Variants in ACTRT3 observed in about 807,000 individuals in gnomAD.
The protein encoded by ACTRT3 is actin related protein T3, also known as actin-related protein T3.
A neutral mutation model predicts 17.6 loss-of-function variants in ACTRT3; 15 were observed. That is an observed-to-expected ratio of 0.85 (90% CI 0.57 to 1.31). ACTRT3 has a LOEUF of 1.31. ACTRT3 is among the 50% of genes most tolerant of loss of function. The probability of loss-of-function intolerance (pLI) is 0.00; values close to 1 mark genes in which losing one functional copy is unlikely to be tolerated. For missense variants in ACTRT3, 457 were observed against 466.7 expected (o/e 0.98, Z 0.19); for synonymous variants, 169 against 176.4 (o/e 0.96, Z 0.33).
chr3:169,768,142 C>A lies in ACTRT3; in HGVS notation c.409G>T (p.Ala137Ser). 6.2e-7 allele frequency: 1 copy of A among 1,614,046 alleles called. No homozygotes were observed. The highest frequency in any genetic ancestry group is 1.1e-5 in the South Asian group (1 of 91,070). ...GVPAFYMSIQ[A>S]VLALFAAGFT... The stretch of plus-strand genomic sequence containing the variant: ...CCAGCAGCAAAGAGAGCCAGCACAG[C>A]CTGGATGGACATATAGAAGGCAGGA... Residue 137 changes from alanine to serine, a missense_variant, in exon 2 of 2, where the codon GCT becomes TCT. Ala to Ser is a moderately conservative substitution (Grantham distance 99, BLOSUM62 1). Transcript: ENST00000330368.
At chr3:169,768,487 T>A in intron 1 of ACTRT3, 137 bp from the exon 2 acceptor site, 1 of 821,044 alleles carries the variant, frequency 1.2e-6, no homozygotes, top group Non-Finnish European at 1.8e-6. Flanking sequence ...TCACAGCAGG[T>A]AAGTGTCAGC....
rs564741433 is a variant in ACTRT3 at position 169,768,501 on chromosome 3, A to C, written c.201-151T>G. The C allele has an allele frequency of 8.3e-6, 6 of 725,416 alleles. No individual in the cohort carries two copies. In the African/African-American group the frequency reaches 1.1e-4, roughly 13 times the overall value. The allele number at this position is 725,416 out of a possible 1,614,324, so 44.9% of individuals were successfully genotyped here. A position where few individuals can be genotyped will look rare whatever the true frequency, so the allele number is the denominator to read the frequency against. ...CTCACAGCAGGTAAGTGTCAGCCAA[A>C]AATAGCACAGCTACTTACCTCTGCA... On this transcript the variant is annotated intron_variant, in intron 1 of 1. Transcript: ENST00000330368.
rs1298010017 is a variant in ACTRT3, at chr3:169,768,198, A to G, written c.353T>C (p.Ile118Thr). The change falls in exon 2 of 2, where the codon ATC becomes ACC. Residue 118 changes from isoleucine to threonine, a missense_variant. Ile to Thr is a moderately conservative substitution (Grantham distance 89). Transcript: ENST00000330368. ...ALNPLANRQQITEMFFEHLGV... is the reference protein window; with the variant it reads ...ALNPLANRQQTTEMFFEHLGV... ...CAGATGCTCAAAAAACATTTCCGTG[A>G]TCTGTTGCCGGTTGGCCAGTGGGTT... 1.2e-6 allele frequency: 2 copies of G among 1,613,996 alleles called. No homozygotes were observed. Among genetic ancestry groups the G allele is most frequent in the Non-Finnish European group, 8.5e-7 (1 of 1,180,028 alleles).
Position 169,767,239 on chromosome 3 carries a change from A to G in ACTRT3, c.*193T>C. ...AAACACTATGGGAAACATTATTTTAACTTGGTTCTACTCAATAGACATCTG... is the reference window on the plus strand; with the variant it reads ...AAACACTATGGGAAACATTATTTTAGCTTGGTTCTACTCAATAGACATCTG... On this transcript the variant is annotated 3_prime_UTR_variant, in exon 2 of 2. Transcript: ENST00000330368. 2 of 457,406 alleles carry G rather than the reference A, an allele frequency of 4.4e-6. No homozygotes were observed. The highest frequency in any genetic ancestry group is 6.5e-5 in the East Asian group (2 of 30,756). The allele number at this position is 457,406 out of a possible 1,614,324, so 28.3% of individuals were successfully genotyped here.
chr3:169,769,080 G>C (rs1208043741), intron 1 of ACTRT3, among the ~76,000 whole-genome samples: 1 of 151,610 alleles, frequency 6.6e-6, no homozygotes, highest in Non-Finnish European at 1.5e-5. Flanking sequence ...TTGGAGATTT[G>C]TGGCCCGTGC....
Position 169,767,639 on chromosome 3 carries a change from A to G in ACTRT3, c.912T>C (p.Pro304=). The G allele has an allele frequency of 6.2e-7, 1 of 1,613,682 alleles. No homozygotes were observed. The highest frequency in any genetic ancestry group is 1.1e-5 in the South Asian group (1 of 91,052). Residue 304 remains proline, a synonymous_variant, in exon 2 of 2, where the codon CCT becomes CCC. Transcript: ENST00000330368. The part of the protein sequence containing the change: ...IILAGGSTSF[P]GLDKRLVKDI... ...CCTTAACTAACCGCTTGTCTAAACC[A>G]GGGAAAGAGGTTGATCCCCCGGCAA...
chr3:169,769,414 C>A lies in ACTRT3; in HGVS notation c.107G>T (p.Gly36Val). ...EPQFIYPNII[G>V]RAKGQSRAAQ... The stretch of plus-strand genomic sequence containing the variant: ...CGCGCGGCTCTGGCCCTTGGCGCGG[C>A]CGATAATGTTCGGGTAGATAAACTG... The change falls in exon 1 of 2, where the codon GGC becomes GTC. Residue 36 changes from glycine (G) to valine (V), a missense_variant. Physicochemically the swap from Gly to Val is moderately radical, Grantham distance 109 (BLOSUM62 -3). Coordinates refer to ENST00000330368, the MANE Select transcript of ACTRT3 (RefSeq NM_032487.5). 2 of 1,608,416 alleles carry A rather than the reference C, an allele frequency of 1.2e-6. No homozygotes were observed. Among genetic ancestry groups the A allele is most frequent in the Non-Finnish European group, 1.7e-6 (2 of 1,178,816 alleles).
chr3:169,767,497 T>C lies in ACTRT3; in HGVS notation c.1054A>G (p.Met352Val). Residue 352 changes from methionine to valine, a missense_variant, in exon 2 of 2, where the codon ATG becomes GTG. Physicochemically the swap from Met to Val is conservative, Grantham distance 21 (BLOSUM62 1). Coordinates refer to ENST00000330368, the MANE Select transcript of ACTRT3 (RefSeq NM_032487.5). ...ILASLSAFQDMWITAAEFKEV... is the reference protein window; with the variant it reads ...ILASLSAFQDVWITAAEFKEV... ...TTAAATTCTGCAGCAGTGATCCACA[T>C]GTCCTGGAAGGCAGACAAGGATGCA... 1 of 1,613,652 alleles carries C rather than the reference T, an allele frequency of 6.2e-7. No homozygotes were observed. Among genetic ancestry groups the C allele is most frequent in the Admixed American group, 1.7e-5 (1 of 59,952 alleles).
Position 169,768,356 on chromosome 3 carries a change from A to G in ACTRT3, c.201-6T>C, listed in dbSNP as rs9822885. ...GACCACGCTCCACTGGGTAACTGTA[A>G]GGAAAGCAATAAGATCAATGACAGC... On this transcript the variant is annotated splice_region_variant and splice_polypyrimidine_tract_variant and intron_variant, in intron 1 of 1. Coordinates refer to ENST00000330368, the MANE Select transcript of ACTRT3 (RefSeq NM_032487.5). 480,817 of 1,597,302 alleles carry G rather than the reference A, an allele frequency of 0.3. 79,735 individuals carry two copies. The highest frequency in any genetic ancestry group is 0.71 in the East Asian group (31,540 of 44,466).
In ACTRT3 at chr3:169,768,075, G is replaced by A; in HGVS notation, c.476C>T (p.Thr159Ile). Residue 159 changes from threonine to isoleucine, a missense_variant, in exon 2 of 2, where the codon ACC becomes ATC. Transcript: ENST00000330368. ...ACCCTCAAAGATGGGCACACTCTGG[G>A]TAACCCCAGCACCTGAATTCAGCAC... ...GLVLNSGAGV[T>I]QSVPIFEGYC... 1.2e-6 allele frequency: 2 copies of A among 1,614,034 alleles called. No individual in the cohort carries two copies. Among genetic ancestry groups the A allele is most frequent in the East Asian group, 4.5e-5 (2 of 44,872 alleles).
In ACTRT3 at chr3:169,769,431, G is replaced by C; in HGVS notation, c.90C>G (p.Ile30Met). Reference protein sequence around the residue: ...GVAGCREPQFIYPNIIGRAKG... With the variant: ...GVAGCREPQFMYPNIIGRAKG... ...TGGCGCGGCCGATAATGTTCGGGTAGATAAACTGGGGCTCCCGGCACCCAG... is the reference window on the plus strand; with the variant it reads ...TGGCGCGGCCGATAATGTTCGGGTACATAAACTGGGGCTCCCGGCACCCAG... Residue 30 changes from isoleucine to methionine, a missense_variant, in exon 1 of 2, where the codon ATC (isoleucine) becomes ATG (methionine). Ile to Met is a conservative substitution (Grantham distance 10). Transcript: ENST00000330368. 4 of 1,609,884 alleles carry C rather than the reference G, an allele frequency of 2.5e-6. No individual in the cohort carries two copies. Among genetic ancestry groups the C allele is most frequent in the South Asian group, 1.1e-5 (1 of 90,864 alleles).
rs967245955 is a variant in ACTRT3, at chr3:169,767,311, C to G, written c.*121G>C. 6.9e-6 allele frequency: 6 copies of G among 863,518 alleles called. No homozygotes were observed. The Admixed American group carries it at 1.8e-4, about 26-fold the overall frequency. 53.5% of individuals were successfully genotyped at this position (863,518 alleles called of 1,614,324 possible). ...ATCCCCCAAACCCATTATAGAAATA[C>G]AACAGAAATATTGGCATCCCAATAG... On this transcript the variant is annotated 3_prime_UTR_variant, in exon 2 of 2. Coordinates refer to ENST00000330368, the MANE Select transcript of ACTRT3 (RefSeq NM_032487.5).
At position 169,767,939 on chromosome 3, in the gene ACTRT3, G is replaced by C. The variant is rs1026020120; in HGVS notation, c.612C>G (p.Asp204Glu). The C allele has an allele frequency of 1.9e-6, 3 of 1,614,140 alleles. No individual in the cohort carries two copies. Among genetic ancestry groups the C allele is most frequent in the Non-Finnish European group, 2.5e-6 (3 of 1,180,034 alleles). Residue 204 changes from aspartate to glutamate, a missense_variant, in exon 2 of 2, where the codon GAC (aspartate) becomes GAG (glutamate). By Grantham distance (45) the Asp-to-Glu change is conservative. Transcript: ENST00000330368. ...NHGIMLLSASDRKIVEDIKES... is the reference protein window; with the variant it reads ...NHGIMLLSASERKIVEDIKES... ...CCTTGATGTCTTCAACAATCTTTCT[G>C]TCTGAAGCACTGAGCAACATGATAC...
chr3:169,768,744 G>A (rs796784411), intron 1 of ACTRT3, among the ~76,000 whole-genome samples: 6 of 152,088 alleles, frequency 3.9e-5, no homozygotes, highest in Non-Finnish European at 7.4e-5. Context: ...TAGCCACGAT[G>A]GTCTCGAACT....
rs749574271 is a variant in ACTRT3 at position 169,768,134 on chromosome 3, C to G, written c.417G>C (p.Leu139=). Reference sequence around the variant, plus strand: ...TAGTGAAGCCAGCAGCAAAGAGAGCCAGCACAGCCTGGATGGACATATAGA... The same window carrying G: ...TAGTGAAGCCAGCAGCAAAGAGAGCGAGCACAGCCTGGATGGACATATAGA... ...PAFYMSIQAV[L]ALFAAGFTTG... is the part of the protein sequence containing the mutation. The change falls in exon 2 of 2, where the codon CTG becomes CTC. Residue 139 remains leucine (L), a synonymous_variant. Coordinates refer to ENST00000330368, the MANE Select transcript of ACTRT3 (RefSeq NM_032487.5). 3.0e-5 allele frequency: 48 copies of G among 1,613,952 alleles called. No individual in the cohort carries two copies. The highest frequency in any genetic ancestry group is 6.7e-5 in the Admixed American group (4 of 60,004).
chr3:169,767,584 C>T lies in ACTRT3; in HGVS notation c.967G>A (p.Ala323Thr), dbSNP rs1778006741. ...TCTGGAGGAGCTATAACTTGCACAG[C>T]GGTGTTGGCAGGAGCCACCTTTGCT... ...DIAKVAPANT[A>T]VQVIAPPERK... The change falls in exon 2 of 2, where the codon GCT (alanine) becomes ACT (threonine). Residue 323 changes from alanine to threonine, a missense_variant. Transcript: ENST00000330368. The T allele has an allele frequency of 2.5e-6, 4 of 1,614,070 alleles. No individual in the cohort carries two copies. The highest frequency in any genetic ancestry group is 3.4e-6 in the Non-Finnish European group (4 of 1,180,012).
At chr3:169,768,689 G>T (rs2108186173) in intron 1 of ACTRT3, among the ~76,000 whole-genome samples, 1 of 152,174 alleles carries the variant, frequency 6.6e-6, no homozygotes, top group East Asian at 1.9e-4. Flanking sequence ...CACCACGCCC[G>T]GCTAATTTTT....
In ACTRT3 at chr3:169,767,524, G is replaced by C; in HGVS notation, c.1027C>G (p.Leu343Val). The C allele has an allele frequency of 6.2e-7, 1 of 1,614,048 alleles. No individual in the cohort carries two copies. Among genetic ancestry groups the C allele is most frequent in the Admixed American group, 1.7e-5 (1 of 60,016 alleles). Reference protein sequence around the residue: ...KISVWMGGSILASLSAFQDMW... With the variant: ...KISVWMGGSIVASLSAFQDMW... ...TCCTGGAAGGCAGACAAGGATGCAA[G>C]AATAGAACCTCCCATCCACACTGAT... The change falls in exon 2 of 2, where the codon CTT (leucine) becomes GTT (valine). Residue 343 changes from leucine (L) to valine (V), a missense_variant. Leu to Val is a conservative substitution (Grantham distance 32). Coordinates refer to ENST00000330368, the MANE Select transcript of ACTRT3 (RefSeq NM_032487.5).
chr3:169,769,553 A>G lies in ACTRT3; in HGVS notation c.-33T>C. 4 of 1,580,900 alleles carry G rather than the reference A, an allele frequency of 2.5e-6. No individual in the cohort carries two copies. Among genetic ancestry groups the G allele is most frequent in the Non-Finnish European group, 3.4e-6 (4 of 1,161,178 alleles). On this transcript the variant is annotated 5_prime_UTR_variant, in exon 1 of 2. Transcript: ENST00000330368. ...CTGCTGCCGCCGCCTCCTGTCTCTG[A>G]GCCGCTCTAGCTACGGGCTCGGCCG... is the stretch of plus-strand genomic sequence containing the variant.
Sources: allele counts gnomAD v4.1 joint callset (sites outside exome capture counted in the v4.1 genomes callset), GRCh38; gene constraint gnomAD v4.1.1; transcripts MANE v1.5; gene names NCBI Gene and HGNC (gene_info 2026-07-23, HGNC 2026-07-21).